CHST6: variants seen among roughly 807,000 people sequenced by gnomAD.
CHST6 encodes N-acetylglucosamine 6-O-sulfotransferase 5.
For missense variants in CHST6, 698 were observed against 586.2 expected (o/e 1.19, Z -1.97); for synonymous variants, 309 against 276.4 (o/e 1.12, Z -1.17).
intron 1 of CHST6, among the ~76,000 whole-genome samples, chr16:75,486,268 G>A (rs781510259): frequency 1.3e-5 from 2 of 152,180 alleles, no homozygotes; most frequent in Admixed American, 1.3e-4. Context: ...GTGGTTTTTC[G>A]CAAGCGAACA....
chr16:75,486,805 T>C (rs2080203029), intron 1 of CHST6, among the ~76,000 whole-genome samples: 1 of 152,134 alleles, frequency 6.6e-6, no homozygotes, highest in Non-Finnish European at 1.5e-5. Flanking sequence ...GAGTGGTGAT[T>C]AGATAGTGAC....
chr16:75,476,617 G>C lies in CHST6; in HGVS notation c.*2024C>G, dbSNP rs7193828. On this transcript the variant is annotated 3_prime_UTR_variant, in exon 3 of 3. Coordinates refer to ENST00000332272, the MANE Select transcript of CHST6 (RefSeq NM_021615.5). ...TGGAGAGCTGTCTCCCATCTTCTAC[G>C]ATAAGAGGACACAGCTAGAAGGCAC... 0.52 allele frequency: 77,217 copies of C among 147,280 alleles called. 20,606 individuals are homozygous for C. The highest frequency in any genetic ancestry group is 0.64 in the Admixed American group (9,294 of 14,514). The allele number at this position is 147,280 out of a possible 1,614,324, so 9.1% of individuals were successfully genotyped here.
intron 1 of CHST6, among the ~76,000 whole-genome samples, chr16:75,494,064 T>C (rs147361922): frequency 0.041 from 6,164 of 152,146 alleles, 180 homozygotes; most frequent in South Asian, 0.06. Context: ...AGGCTGGTCT[T>C]GAACTCCTGA....
chr16:75,484,355 TAAAC>T (rs770157929), intron 1 of CHST6, among the ~76,000 whole-genome samples: 63 of 151,254 alleles, frequency 4.2e-4, no homozygotes, highest in Non-Finnish European at 4.3e-4. Flanking sequence ...AATAAATAAA[TAAAC>T]AAACAAACAT....
intron 1 of CHST6, among the ~76,000 whole-genome samples, chr16:75,483,832 T>C (rs1282002158): frequency 6.6e-6 from 1 of 151,852 alleles, no homozygotes; most frequent in Non-Finnish European, 1.5e-5. Flanking sequence ...AAGACCAGCC[T>C]GGGCAACATG....
intron 1 of CHST6, among the ~76,000 whole-genome samples, chr16:75,491,514 T>C (rs1466143303): frequency 1.3e-5 from 2 of 151,748 alleles, no homozygotes; most frequent in Non-Finnish European, 2.9e-5. Context: ...GGACTACAGG[T>C]GCCCGACGCC....
intron 1 of CHST6, among the ~76,000 whole-genome samples, chr16:75,491,190 A>AAATATAT (rs1206595857): frequency 8.8e-4 from 44 of 50,090 alleles, no homozygotes; most frequent in African/African-American, 2.8e-3. Flanking sequence ...AAAAAAAAAA[A>AAATATAT]ATATATATAT....
At chr16:75,489,241 A>G (rs955934430) in intron 1 of CHST6, among the ~76,000 whole-genome samples, 2 of 151,766 alleles carry the variant, frequency 1.3e-5, no homozygotes, top group African/African-American at 4.9e-5. Flanking sequence ...TGTACTAAAA[A>G]TACAAAAATT....
At chr16:75,485,834 G>C (rs1226606989) in intron 1 of CHST6, among the ~76,000 whole-genome samples, 1 of 149,896 alleles carries the variant, frequency 6.7e-6, no homozygotes, top group East Asian at 1.9e-4. Flanking sequence ...TGGTGTCCCA[G>C]TGGATGGCCT....
chr16:75,479,076 G>A lies in CHST6; in HGVS notation c.753C>T (p.Arg251=). The stretch of plus-strand genomic sequence containing the variant: ...GCTTGAGTGTGGCGGCCTCGGCGAT[G>A]CGTACGTGGCTACGGCACACCTCGC... ...VVREVCRSHV[R]IAEAATLKPP... The change falls in exon 3 of 3, where the codon CGC becomes CGT. Residue 251 remains arginine, a synonymous_variant. Coordinates refer to ENST00000332272, the MANE Select transcript of CHST6 (RefSeq NM_021615.5). The A allele has an allele frequency of 6.2e-7, 1 of 1,605,864 alleles. No individual in the cohort carries two copies. Among genetic ancestry groups the A allele is most frequent in the Non-Finnish European group, 8.5e-7 (1 of 1,179,300 alleles).
At chr16:75,487,271 T>C (rs2080208318) in intron 1 of CHST6, among the ~76,000 whole-genome samples, 1 of 152,176 alleles carries the variant, frequency 6.6e-6, no homozygotes, top group Non-Finnish European at 1.5e-5. Flanking sequence ...AGCAAGACAT[T>C]GACCAAGGAT....
At chr16:75,483,795 G>A (rs1462352700) in intron 1 of CHST6, among the ~76,000 whole-genome samples, 1 of 152,046 alleles carries the variant, frequency 6.6e-6, no homozygotes, top group Non-Finnish European at 1.5e-5. Context: ...AGGCTGAGGC[G>A]GGTGAATTGC....
rs1311183157 is a variant in CHST6, at chr16:75,475,107, G to C, written c.*3534C>G. Reference sequence around the variant, plus strand: ...TACCATGCCTGCGCCCAGAAATAATGTTCTCTACCCATTCACAAGGGCATA... The same window carrying C: ...TACCATGCCTGCGCCCAGAAATAATCTTCTCTACCCATTCACAAGGGCATA... On this transcript the variant is annotated 3_prime_UTR_variant, in exon 3 of 3. Coordinates refer to ENST00000332272, the MANE Select transcript of CHST6 (RefSeq NM_021615.5). 3.8e-5 allele frequency: 6 copies of C among 157,632 alleles called. No homozygotes were observed. Among genetic ancestry groups the C allele is most frequent in the Non-Finnish European group, 8.4e-5 (6 of 71,670 alleles). 9.8% of individuals were successfully genotyped at this position (157,632 alleles called of 1,614,324 possible).
intron 1 of CHST6, among the ~76,000 whole-genome samples, chr16:75,490,087 C>T (rs1392266604): frequency 2.1e-5 from 3 of 146,316 alleles, no homozygotes; most frequent in African/African-American, 7.7e-5. Context: ...GAGGGAGAAT[C>T]GCTTGAACCC....
rs1258142686 is a variant in CHST6, at chr16:75,479,361, C to T, written c.468G>A (p.Gln156=). The T allele has an allele frequency of 1.7e-5, 27 of 1,612,750 alleles. No individual in the cohort carries two copies. Among genetic ancestry groups the T allele is most frequent in the Non-Finnish European group, 2.2e-5 (26 of 1,179,792 alleles). The change falls in exon 3 of 3, where the codon CAG becomes CAA. Residue 156 remains glutamine (Q), a synonymous_variant. Transcript: ENST00000332272. ...AGGCCTCCCGGGCCAGGGTGAAGGA[C>T]TGCCGCGCGCACAGTGGCTTGCACA... ...EAVCKPLCAR[Q]SFTLAREACR...
intron 2 of CHST6, among the ~76,000 whole-genome samples, chr16:75,481,186 G>A (rs1791831608): frequency 6.6e-6 from 1 of 152,098 alleles, no homozygotes; most frequent in African/African-American, 2.4e-5. Flanking sequence ...TGAGGTGGGA[G>A]GACTGCTTGA....
At chr16:75,490,130 G>A (rs572555166) in intron 1 of CHST6, among the ~76,000 whole-genome samples, 3 of 134,304 alleles carry the variant, frequency 2.2e-5, no homozygotes, top group African/African-American at 8.7e-5. Context: ...CCAAGGTTGT[G>A]CCATTGCATT....
In CHST6 at chr16:75,478,979, T is replaced by C. The variant is rs767237658; in HGVS notation, c.850A>G (p.Ile284Val). Residue 284 changes from isoleucine to valine, a missense_variant, in exon 3 of 3, where the codon ATC becomes GTC. Transcript: ENST00000332272. Reference sequence around the variant, plus strand: ...CCAGTGAAGGCGTAGAGCGCACGGATTTCTGCCAGCGGCTCCCGCGCCAGG... The same window carrying C: ...CCAGTGAAGGCGTAGAGCGCACGGACTTCTGCCAGCGGCTCCCGCGCCAGG... ...EDLAREPLAE[I>V]RALYAFTGLS... The C allele has an allele frequency of 6.2e-7, 1 of 1,612,872 alleles. No individual in the cohort carries two copies. The highest frequency in any genetic ancestry group is 2.2e-5 in the East Asian group (1 of 44,870).
chr16:75,480,666 C>T (rs145368106), intron 2 of CHST6, among the ~76,000 whole-genome samples: 3,659 of 151,880 alleles, frequency 0.024, 71 homozygotes, highest in South Asian at 0.086. Flanking sequence ...TGGTGGCTCA[C>T]GCCTGTAATC....
Sources: gnomAD v4.1 joint callset for allele counts (sites outside exome capture counted in the v4.1 genomes callset) on GRCh38, gnomAD v4.1.1 for gene constraint, MANE v1.5 for transcripts, NCBI Gene and HGNC (gene_info 2026-07-23, HGNC 2026-07-21) for gene names.